The following SIRT6 variants were observed in gnomAD, a reference collection of about 807,000 sequenced individuals.
The protein encoded by SIRT6 is sirtuin 6, also known as NAD-dependent protein deacylase sirtuin-6.
SIRT6 carries 21 observed loss-of-function variants against 33.6 expected under a neutral mutation model. That is an observed-to-expected ratio of 0.62 (90% CI 0.44 to 0.90). SIRT6 has a LOEUF of 0.90. Ranked by LOEUF, SIRT6 falls within the 40% of genes least tolerant of loss-of-function variation. SIRT6 has a pLI of 0.00. For missense variants in SIRT6, 504 were observed against 510.6 expected, an observed-to-expected ratio of 0.99 and a Z score of 0.12; for synonymous variants, 221 against 223.9, an observed-to-expected ratio of 0.99 and a Z score of 0.12.
Position 4,176,001 on chromosome 19 carries a change from T to C in SIRT6, c.438-64A>G, listed in dbSNP as rs921874909. ...GCTCCCATGGGTGACTCTCGCACTG[T>C]TTCTAGGGTGACGTTCTCCCAGGGA... On this transcript the variant is annotated intron_variant, in intron 4 of 7. Transcript: ENST00000337491. 8 of 1,427,700 alleles carry C rather than the reference T, an allele frequency of 5.6e-6. No homozygotes were observed. The African/African-American group carries it at 1.1e-4, about 20-fold the overall frequency. 88.4% of individuals were successfully genotyped at this position (1,427,700 alleles called of 1,614,324 possible). A position where few individuals can be genotyped will look rare whatever the true frequency, so the allele number is the denominator to read the frequency against.
Position 4,179,119 on chromosome 19 carries a change from C to G in SIRT6, c.362G>C (p.Arg121Pro), listed in dbSNP as rs771714154. ...VSQNVDGLHV[R>P]SGFPRDKLAE... ...AGGGTGTTACCTGGGGAAGCCTGAG[C>G]GCACATGGAGCCCGTCCACGTTCTG... Residue 121 changes from arginine (R) to proline (P), a missense_variant, in exon 3 of 8, where the codon CGC becomes CCC. Transcript: ENST00000337491. The G allele has an allele frequency of 6.2e-7, 1 of 1,611,940 alleles. No homozygotes were observed. The highest frequency in any genetic ancestry group is 8.5e-7 in the Non-Finnish European group (1 of 1,179,764).
At chr19:4,180,306 C>A (rs1055071751) in intron 2 of SIRT6, among the ~76,000 whole-genome samples, 1 of 151,958 alleles carries the variant, frequency 6.6e-6, no homozygotes, top group Non-Finnish European at 1.5e-5. Flanking sequence ...TTCCCAGCAA[C>A]CCTTGCAGCC....
intron 2 of SIRT6, among the ~76,000 whole-genome samples, chr19:4,180,093 CTTTTTTTTTTTT>C (rs71166971): frequency 2.2e-5 from 1 of 45,902 alleles, no homozygotes; most frequent in African/African-American, 1.0e-4. Context: ...CACGCCTTGG[CTTTTTTTTTTTT>C]TTTTTTTTTT....
chr19:4,179,060 G>A lies in SIRT6; in HGVS notation c.377+44C>T, dbSNP rs199941968. On this transcript the variant is annotated intron_variant, in intron 3 of 7. Coordinates refer to ENST00000337491, the MANE Select transcript of SIRT6 (RefSeq NM_016539.4). ...CCCCCTAAAAATGCAAACACGGTTT[G>A]TGGGGCCCCAAGCTCTTTTGTGGGG... is the stretch of plus-strand genomic sequence containing the variant. The A allele has an allele frequency of 7.9e-5, 126 of 1,601,036 alleles. No individual in the cohort carries two copies. The African/African-American group carries it at 1.2e-3, about 15-fold the overall frequency.
chr19:4,181,404 G>GT (rs1222628752), intron 1 of SIRT6, among the ~76,000 whole-genome samples: 2 of 152,218 alleles, frequency 1.3e-5, no homozygotes, highest in African/African-American at 2.4e-5. Flanking sequence ...AGAAGGAGGG[G>GT]TTTTTAATCT....
In SIRT6 at chr19:4,174,964, G is replaced by A. The variant is rs759660510; in HGVS notation, c.739-18C>T. On this transcript the variant is annotated intron_variant, in intron 7 of 7. Coordinates refer to ENST00000337491, the MANE Select transcript of SIRT6 (RefSeq NM_016539.4). The surrounding 1 kb of genome is among the most constrained non-coding windows in gnomAD (Gnocchi z 4.2). Reference sequence around the variant, plus strand: ...TGGCGGTCCTGCCGAGGGGCGGGACGGGTCAGGCGTGGGGGACAGAGGGTG... The same window carrying A: ...TGGCGGTCCTGCCGAGGGGCGGGACAGGTCAGGCGTGGGGGACAGAGGGTG... 6.2e-6 allele frequency: 10 copies of A among 1,609,824 alleles called. No individual in the cohort carries two copies. Among genetic ancestry groups the A allele is most frequent in the African/African-American group, 2.7e-5 (2 of 74,978 alleles).
At chr19:4,180,956 G>T in intron 1 of SIRT6, 47 bp from the exon 2 acceptor site, 1 of 1,554,202 alleles carries the variant, frequency 6.4e-7, no homozygotes, top group East Asian at 2.3e-5. Context: ...GTTCCCCCAA[G>T]TGGCAAGGCC....
Position 4,174,660 on chromosome 19 carries a change from T to TG in SIRT6, c.1024dup (p.His342ProfsTer86). ...GGCCTTCACCCTTTTGGGGGGTCTG[T>TG]GGGGGGCAGGGCTGGTGGGCCGCTC... On this transcript the variant is annotated frameshift_variant, in exon 8 of 8. Coordinates refer to ENST00000337491, the MANE Select transcript of SIRT6 (RefSeq NM_016539.4). LOFTEE classifies it high-confidence loss of function. This position sits in a 1 kb window ranked among gnomAD's most constrained non-coding sequence, Gnocchi z 4.2. 1.4e-6 allele frequency: 2 copies of TG among 1,454,970 alleles called. No individual in the cohort carries two copies. Among genetic ancestry groups the TG allele is most frequent in the Admixed American group, 2.8e-5 (1 of 35,220 alleles). 90.1% of individuals were successfully genotyped at this position (1,454,970 alleles called of 1,614,324 possible).
At position 4,180,868 on chromosome 19, in the gene SIRT6, T is replaced by C; in HGVS notation, c.108A>G (p.Glu36=). 1 of 1,613,554 alleles carries C rather than the reference T, an allele frequency of 6.2e-7. No homozygotes were observed. Among genetic ancestry groups the C allele is most frequent in the Non-Finnish European group, 8.5e-7 (1 of 1,179,840 alleles). ...PPEELERKVW[E]LARLVWQSSS... is the part of the protein sequence containing the mutation. ...AAGACTGCCAGACCAGCCTCGCCAG[T>C]TCCCACACCTTCCGCTCCAGCTCCT... The change falls in exon 2 of 8, where the codon GAA becomes GAG. Residue 36 remains glutamate, a synonymous_variant. Transcript: ENST00000337491.
rs1463525397 is a variant in SIRT6 at position 4,182,170 on chromosome 19, C to G, written c.66+304G>C. The stretch of plus-strand genomic sequence containing the variant: ...CCCCGTCCTGGCCCGGCTCTGGAAA[C>G]CTCCCAGGCCTAATCGTTCTCCAGG... On this transcript the variant is annotated intron_variant, in intron 1 of 7. Transcript: ENST00000337491. The G allele has an allele frequency of 3.8e-5, 14 of 366,638 alleles. No homozygotes were observed. In the East Asian group the frequency reaches 6.2e-4, roughly 16 times the overall value. 22.7% of individuals were successfully genotyped at this position (366,638 alleles called of 1,614,324 possible).
chr19:4,181,747 G>C (rs1202193550), intron 1 of SIRT6, among the ~76,000 whole-genome samples: 1 of 152,096 alleles, frequency 6.6e-6, no homozygotes, highest in East Asian at 1.9e-4. Context: ...AGCCGAGATC[G>C]CGCCACTGCA....
intron 2 of SIRT6, among the ~76,000 whole-genome samples, chr19:4,179,771 C>T (rs367745684): frequency 3.3e-5 from 5 of 152,138 alleles, no homozygotes; most frequent in African/African-American, 9.7e-5. Context: ...GGGGAAGCCC[C>T]GTGGAGGTGG....
chr19:4,175,783 A>G (rs1967262015), intron 5 of SIRT6, 23 bp from the exon 6 acceptor site: 5 of 1,556,324 alleles, frequency 3.2e-6, no homozygotes, highest in Admixed American at 1.9e-5. Flanking sequence ...AGCTGAGGAG[A>G]GTCCTCAGGG....
chr19:4,182,548 G>GC lies in SIRT6; in HGVS notation c.-10dup, dbSNP rs1967778278. ...GCGTAATTCACCGACATCCTCGACT[G>GC]CCCCACGGGAACAATAAAGTTTCCC... is the stretch of plus-strand genomic sequence containing the variant. On this transcript the variant is annotated 5_prime_UTR_variant, in exon 1 of 8. Transcript: ENST00000337491. 4 of 1,609,100 alleles carry GC rather than the reference G, an allele frequency of 2.5e-6. No individual in the cohort carries two copies. The highest frequency in any genetic ancestry group is 2.5e-6 in the Non-Finnish European group (3 of 1,178,214).
intron 2 of SIRT6, chr19:4,179,642 C>T (rs1351767418): frequency 2.2e-5 from 6 of 271,914 alleles, no homozygotes; most frequent in Admixed American, 5.0e-5. Context: ...ATGAGCCCGA[C>T]GATGCTCACA....
chr19:4,174,887 C>T lies in SIRT6; in HGVS notation c.798G>A (p.Met266Ile). 6.2e-7 allele frequency: 1 copy of T among 1,602,786 alleles called. No homozygotes were observed. Among genetic ancestry groups the T allele is most frequent in the South Asian group, 1.1e-5 (1 of 91,038 alleles). ...CGGGGATCTCCAGCCCCAGGTGCTTCATGAGCCGGGTCATGACCTCGTCAA... is the reference window on the plus strand; with the variant it reads ...CGGGGATCTCCAGCCCCAGGTGCTTTATGAGCCGGGTCATGACCTCGTCAA... The part of the protein sequence containing the change: ...GYVDEVMTRL[M>I]KHLGLEIPAW... The change falls in exon 8 of 8, where the codon ATG (methionine) becomes ATA (isoleucine). Residue 266 changes from methionine (M) to isoleucine (I), a missense_variant. Met to Ile is a conservative substitution (Grantham distance 10, BLOSUM62 1). Transcript: ENST00000337491. This position sits in a 1 kb window ranked among gnomAD's most constrained non-coding sequence, Gnocchi z 4.2.
rs1173618166 is a variant in SIRT6 at position 4,182,508 on chromosome 19, G to C, written c.32C>G (p.Pro11Arg). 8 of 1,611,330 alleles carry C rather than the reference G, an allele frequency of 5.0e-6. No individual in the cohort carries two copies. Among genetic ancestry groups the C allele is most frequent in the Non-Finnish European group, 6.8e-6 (8 of 1,179,176 alleles). The change falls in exon 1 of 8, where the codon CCG (proline) becomes CGG (arginine). Residue 11 changes from proline (P) to arginine (R), a missense_variant. Transcript: ENST00000337491. MSVNYAAGLS[P>R]YADKGKCGLP... is the part of the protein sequence containing the mutation. ...GCCGCACTTGCCCTTGTCCGCGTAC[G>C]GCGACAGCCCCGCCGCGTAATTCAC...
intron 6 of SIRT6, 159 bp downstream of exon 6, chr19:4,175,521 G>C: frequency 1.5e-6 from 1 of 675,800 alleles, no homozygotes; most frequent in Non-Finnish European, 2.5e-6. Flanking sequence ...GAGTGTGTGT[G>C]AGTGCGTGTG....
At chr19:4,175,799 G>A (rs865929908) in intron 5 of SIRT6, 39 bp from the exon 6 acceptor site, 10 of 1,553,334 alleles carry the variant, frequency 6.4e-6, no homozygotes, top group East Asian at 2.4e-5. Flanking sequence ...CAGGGGCCTC[G>A]CAGCCTCCCC....
Sources: gnomAD v4.1 joint callset for allele counts (sites outside exome capture counted in the v4.1 genomes callset) on GRCh38, gnomAD v4.1.1 for gene constraint, Gnocchi (gnomAD v3.1) non-coding constraint, MANE v1.5 for transcripts, NCBI Gene and HGNC (gene_info 2026-07-23, HGNC 2026-07-21) for gene names.